Variants in PLEKHA6 observed in about 807,000 individuals in gnomAD.
The protein encoded by PLEKHA6 is pleckstrin homology domain-containing family A member 6.
A neutral mutation model predicts 116.7 loss-of-function variants in PLEKHA6; 60 were observed. The observed-to-expected ratio is 0.51, with a 90% CI of 0.42 to 0.64. The LOEUF is 0.64. PLEKHA6 is among the 30% of genes least tolerant of loss of function. The pLI is 0.00. For missense variants in PLEKHA6, 1,338 were observed against 1,422.7 expected, an observed-to-expected ratio of 0.94 and a Z score of 0.96; for synonymous variants, 489 against 556.1, an observed-to-expected ratio of 0.88 and a Z score of 1.70.
At chr1:204,363,187 G>C (rs1003171281), upstream of PLEKHA6, among the ~76,000 whole-genome samples, 1 of 152,214 alleles carries the variant, frequency 6.6e-6, no homozygotes, top group Admixed American at 6.5e-5. Context: ...GTTCGGGTTG[G>C]GGTCTGTACT....
chr1:204,249,446 T>C (rs1442262693), intron 10 of PLEKHA6, among the ~76,000 whole-genome samples, 182 bp from the exon 11 acceptor site: 2 of 152,136 alleles, frequency 1.3e-5, no homozygotes, highest in East Asian at 1.9e-4. Flanking sequence ...GGTCTTCATC[T>C]TGGGAGGTGA....
Position 204,359,775 on chromosome 1 carries a change from C to T in PLEKHA6, c.-176G>A. The T allele has an allele frequency of 1.2e-6, 1 of 864,606 alleles. No homozygotes were observed. The highest frequency in any genetic ancestry group is 1.4e-6 in the Non-Finnish European group (1 of 719,126). 53.6% of individuals were successfully genotyped at this position (864,606 alleles called of 1,614,324 possible). ...CACCCCTCCCCCCAGCTCAGGCCAG[C>T]TGGGGTCCTCCTCCCCCGCCCCTGG... On this transcript the variant is annotated 5_prime_UTR_variant, in exon 1 of 23. Coordinates refer to ENST00000272203, the MANE Select transcript of PLEKHA6 (RefSeq NM_014935.5).
chr1:204,276,553 C>A (rs1668026968), intron 1 of PLEKHA6, among the ~76,000 whole-genome samples: 1 of 152,008 alleles, frequency 6.6e-6, no homozygotes, highest in Non-Finnish European at 1.5e-5. Flanking sequence ...GGGCACCCGC[C>A]CCCTGCCCTG....
chr1:204,269,939 C>G (rs947688966), intron 3 of PLEKHA6, among the ~76,000 whole-genome samples: 1 of 152,192 alleles, frequency 6.6e-6, no homozygotes, highest in Non-Finnish European at 1.5e-5. Flanking sequence ...CCCTTCAATA[C>G]ACCCAATGTC....
intron 1 of PLEKHA6, among the ~76,000 whole-genome samples, chr1:204,302,606 G>A (rs1391113865): frequency 6.6e-6 from 1 of 152,238 alleles, no homozygotes; most frequent in Non-Finnish European, 1.5e-5. Context: ...GCCGGGTACA[G>A]TGGCTCACGC....
intron 1 of PLEKHA6, among the ~76,000 whole-genome samples, chr1:204,351,268 T>G (rs544005151): frequency 6.6e-6 from 1 of 152,262 alleles, no homozygotes; most frequent in South Asian, 2.1e-4. Flanking sequence ...ACCTTTCCCT[T>G]TGACATGTTT....
chr1:204,240,828 A>G (rs1256982411), intron 17 of PLEKHA6, among the ~76,000 whole-genome samples: 1 of 152,216 alleles, frequency 6.6e-6, no homozygotes, highest in East Asian at 1.9e-4. Context: ...GGTGTTGCCA[A>G]AACAGATTAA....
rs541012408 is a variant in PLEKHA6, at chr1:204,238,174, G to A, written c.2409+3201C>T. Reference sequence around the variant, plus strand: ...TGAAAGGCTGCCAATTTTGAGTGGGGTCCAGAATGGGAAAAGGCTCTGCAA... The same window carrying A: ...TGAAAGGCTGCCAATTTTGAGTGGGATCCAGAATGGGAAAAGGCTCTGCAA... On this transcript the variant is annotated intron_variant, in intron 17 of 22. Transcript: ENST00000272203. This position sits in a 1 kb window ranked among gnomAD's most constrained non-coding sequence, Gnocchi z 4.2. Among the ~76,000 whole-genome samples the A allele has an allele frequency of 9.2e-5, 14 of 152,312 alleles. No individual in the cohort carries two copies. Among genetic ancestry groups the A allele is most frequent in the African/African-American group, 3.1e-4 (13 of 41,570 alleles).
At chr1:204,325,888 G>T in intron 1 of PLEKHA6, 1 of 984,400 alleles carries the variant, frequency 1.0e-6, no homozygotes, top group Non-Finnish European at 1.2e-6. Context: ...AGTAGTAGCT[G>T]CCATTTCCAG....
At chr1:204,306,721 C>T (rs773523372) in intron 1 of PLEKHA6, among the ~76,000 whole-genome samples, 7 of 152,188 alleles carry the variant, frequency 4.6e-5, no homozygotes, top group Non-Finnish European at 1.0e-4. Flanking sequence ...GGGGGATAAA[C>T]CTATTGGGTA....
At chr1:204,326,005 C>A (rs765900630) in intron 1 of PLEKHA6, 20 of 559,524 alleles carry the variant, frequency 3.6e-5, no homozygotes, top group Non-Finnish European at 4.3e-5. Context: ...CTCACCCTGC[C>A]CAGCCGTCTC....
At chr1:204,252,187 G>A (rs932720778) in intron 9 of PLEKHA6, among the ~76,000 whole-genome samples, 2 of 148,296 alleles carry the variant, frequency 1.3e-5, no homozygotes, top group African/African-American at 5.0e-5. Context: ...CTCGGATGAC[G>A]CTAGGGAGCA....
rs550374608 is a variant in PLEKHA6 at position 204,236,207 on chromosome 1, T to C, written c.2409+5168A>G. ...CACTAAGTAGGGACTCTGCATTTAA[T>C]GTTGCAGCTCAGGGAGTTAAAAAAG... On this transcript the variant is annotated intron_variant, in intron 17 of 22. Coordinates refer to ENST00000272203, the MANE Select transcript of PLEKHA6 (RefSeq NM_014935.5). 1.1e-3 allele frequency among the ~76,000 whole-genome samples: 163 copies of C among 152,348 alleles called. 2 individuals are homozygous for C. In the South Asian group the frequency reaches 0.011, roughly 11 times the overall value.
chr1:204,218,899 C>A lies in PLEKHA6; in HGVS notation c.*3889G>T, dbSNP rs1197406752. The A allele has an allele frequency of 6.6e-6, 1 of 152,538 alleles. No individual in the cohort carries two copies. Among genetic ancestry groups the A allele is most frequent in the Non-Finnish European group, 1.5e-5 (1 of 68,032 alleles). 9.4% of individuals were successfully genotyped at this position (152,538 alleles called of 1,614,324 possible). On this transcript the variant is annotated 3_prime_UTR_variant, in exon 23 of 23. Coordinates refer to ENST00000272203, the MANE Select transcript of PLEKHA6 (RefSeq NM_014935.5). ...CCTGTATTGGGTTTATACAAACTTGCAAGATACAAATGCAGAACTCACTGG... is the reference window on the plus strand; with the variant it reads ...CCTGTATTGGGTTTATACAAACTTGAAAGATACAAATGCAGAACTCACTGG...
intron 21 of PLEKHA6, among the ~76,000 whole-genome samples, chr1:204,227,674 G>T (rs538873522): frequency 2.0e-4 from 31 of 152,186 alleles, no homozygotes; most frequent in South Asian, 6.2e-4. Flanking sequence ...GCAAAAGCAG[G>T]AAATGAAAGG....
intron 1 of PLEKHA6, among the ~76,000 whole-genome samples, chr1:204,348,548 G>A (rs1423749627): frequency 1.3e-5 from 2 of 152,158 alleles, no homozygotes; most frequent in East Asian, 3.9e-4. Context: ...GCTGAAAATG[G>A]AACCGAGCAG....
Position 204,233,238 on chromosome 1 carries a change from G to A in PLEKHA6, c.2410-2652C>T, listed in dbSNP as rs118135003. ...TGTCCAGGCTAAAGTGCAGTGGCAT[G>A]ACCACAGTTCACTGCAGCCTCCACC... On this transcript the variant is annotated intron_variant, in intron 17 of 22. Coordinates refer to ENST00000272203, the MANE Select transcript of PLEKHA6 (RefSeq NM_014935.5). Among the ~76,000 whole-genome samples, 332 of 139,268 alleles carry A rather than the reference G, an allele frequency of 2.4e-3. 2 individuals carry two copies. The highest frequency in any genetic ancestry group is 0.01 in the East Asian group (50 of 4,764). 91.4% of individuals were successfully genotyped at this position (139,268 alleles called of 152,430 possible). A position where few individuals can be genotyped will look rare whatever the true frequency, so the allele number is the denominator to read the frequency against.
In PLEKHA6 at chr1:204,257,560, G is replaced by A. The variant is rs140525731; in HGVS notation, c.1317C>T (p.Ala439=). Residue 439 remains alanine, a synonymous_variant, in exon 9 of 23, where the codon GCC becomes GCT. Transcript: ENST00000272203. The surrounding 1 kb of genome is among the most constrained non-coding windows in gnomAD (Gnocchi z 6.5). ...ACAGGCGGCGCAGGGAGCTAGAGGCGGCATCCAGCTCATCATAATAGACTG... is the reference window on the plus strand; with the variant it reads ...ACAGGCGGCGCAGGGAGCTAGAGGCAGCATCCAGCTCATCATAATAGACTG... ...RQPVYYDELD[A]ASSSLRRLSL... is the part of the protein sequence containing the mutation. The A allele has an allele frequency of 9.1e-5, 146 of 1,601,312 alleles. No individual in the cohort carries two copies. The African/African-American group carries it at 1.5e-3, about 17-fold the overall frequency.
At position 204,259,552 on chromosome 1, in the gene PLEKHA6, C is replaced by T. The variant is rs747575133; in HGVS notation, c.713G>A (p.Gly238Asp). 6.2e-7 allele frequency: 1 copy of T among 1,613,974 alleles called. No individual in the cohort carries two copies. The highest frequency in any genetic ancestry group is 1.7e-5 in the Admixed American group (1 of 60,014). ...VKKEPPVKAN[G>D]LPAGPEPASE... ...GGCTGGCTCCGGTCCAGCTGGGAGG[C>T]CATTGGCTTTCACCGGAGGCTCTTT... Residue 238 changes from glycine (G) to aspartate (D), a missense_variant, in exon 8 of 23, where the codon GGC (glycine) becomes GAC (aspartate). By Grantham distance (94) the Gly-to-Asp change is moderately conservative. Around this residue, in one of 3 missense-constraint regions of PLEKHA6, gnomAD observed 1,136 missense variants for 1,163.6 expected, o/e 0.98. Transcript: ENST00000272203. The surrounding 1 kb of genome is among the most constrained non-coding windows in gnomAD (Gnocchi z 4.6).
Sources: gnomAD v4.1 joint callset for allele counts (sites outside exome capture counted in the v4.1 genomes callset) on GRCh38, gnomAD v4.1.1 for gene constraint, gnomAD v4.1.1 regional missense constraint, Gnocchi (gnomAD v3.1) non-coding constraint, MANE v1.5 for transcripts, NCBI Gene and HGNC (gene_info 2026-07-23, HGNC 2026-07-21) for gene names.